PGD: variants seen among roughly 807,000 people sequenced by gnomAD.
PGD encodes the protein phosphogluconate dehydrogenase, also known as 6-phosphogluconate dehydrogenase, decarboxylating.
In PGD, 21 loss-of-function variants were observed where a neutral mutation model predicts 60.4. The observed-to-expected ratio is 0.35, with a 90% confidence interval of 0.25 to 0.50. PGD has a LOEUF of 0.50. Ranked by LOEUF, PGD falls within the 20% of genes least tolerant of loss-of-function variation. The pLI is 0.98. For missense variants in PGD, 477 were observed against 613.1 expected (o/e 0.78, Z 2.34); for synonymous variants, 230 against 235.9 (o/e 0.97, Z 0.23).
At chr1:10,410,441 CAA>C (rs1009430529) in intron 6 of PGD, among the ~76,000 whole-genome samples, 3 of 136,742 alleles carry the variant, frequency 2.2e-5, no homozygotes, top group Admixed American at 7.4e-5. Flanking sequence ...GACTCCGTTT[CAA>C]AAAAAAAAAA....
In PGD at chr1:10,419,811, C is replaced by T; in HGVS notation, c.*62C>T. 1.9e-6 allele frequency: 3 copies of T among 1,585,200 alleles called. No homozygotes were observed. The highest frequency in any genetic ancestry group is 1.7e-4 in the Middle Eastern group (1 of 5,966). On this transcript the variant is annotated 3_prime_UTR_variant, in exon 13 of 13. Transcript: ENST00000270776. ...CCAGGACATTCCATGTGCCTCATGG[C>T]ACTGCCACCTGGCCCTTTGCCCTAT...
chr1:10,401,865 A>T (rs1430260532), intron 3 of PGD, among the ~76,000 whole-genome samples: 1 of 151,408 alleles, frequency 6.6e-6, no homozygotes, highest in African/African-American at 2.4e-5. Context: ...AATACAAAAA[A>T]TTAGCCAGGC....
chr1:10,399,468 G>A (rs1328685170), intron 1 of PGD, 161 bp from the exon 2 acceptor site: 1 of 547,104 alleles, frequency 1.8e-6, no homozygotes, highest in Non-Finnish European at 3.0e-6. Flanking sequence ...CTGCCCGGCC[G>A]AGGCTCTGCA....
rs768652850 is a variant in PGD at position 10,419,721 on chromosome 1, C to G, written c.1424C>G (p.Thr475Ser). The G allele has an allele frequency of 6.2e-7, 1 of 1,614,208 alleles. No individual in the cohort carries two copies. The highest frequency in any genetic ancestry group is 8.5e-7 in the Non-Finnish European group (1 of 1,180,020). Residue 475 changes from threonine to serine, a missense_variant, in exon 13 of 13, where the codon ACC becomes AGC. Around this residue, in one of 3 missense-constraint regions of PGD, gnomAD observed 44 missense variants for 40.3 expected, o/e 1.09. Transcript: ENST00000270776. ...ACCAACTGGACAGGCCATGGTGGCA[C>G]CGTGTCATCCTCGTCATACAATGCC... ...IHTNWTGHGG[T>S]VSSSSYNA
chr1:10,399,567 C>T (rs1033567233), intron 1 of PGD, 62 bp from the exon 2 acceptor site: 31 of 1,444,542 alleles, frequency 2.1e-5, no homozygotes, highest in Admixed American at 1.2e-4. Context: ...GGACCGGACC[C>T]CTGGGTTGCA....
At chr1:10,400,745 G>T (rs185754692) in intron 3 of PGD, among the ~76,000 whole-genome samples, 173 bp downstream of exon 3, 1 of 152,008 alleles carries the variant, frequency 6.6e-6, no homozygotes, top group African/African-American at 2.4e-5. Flanking sequence ...CGCTTATGAA[G>T]TAACTTTGTC....
chr1:10,409,893 T>G (rs1639470480), intron 6 of PGD, among the ~76,000 whole-genome samples: 1 of 152,052 alleles, frequency 6.6e-6, no homozygotes, highest in Non-Finnish European at 1.5e-5. Flanking sequence ...TGACTTCAAG[T>G]AATCGGCCCA....
chr1:10,408,037 C>G (rs1639436362), intron 5 of PGD, 34 bp from the exon 6 acceptor site: 1 of 1,338,990 alleles, frequency 7.5e-7, no homozygotes, highest in Non-Finnish European at 1.1e-6. Flanking sequence ...CCCGTCTCTT[C>G]TCATTAACTG....
intron 3 of PGD, among the ~76,000 whole-genome samples, chr1:10,402,507 T>C (rs1282108262): frequency 2.6e-5 from 4 of 151,180 alleles, no homozygotes; most frequent in African/African-American, 9.7e-5. Flanking sequence ...GGCGACATGG[T>C]GAGACTCCAT....
At chr1:10,399,430 C>T (rs1045314466) in intron 1 of PGD, 199 bp from the exon 2 acceptor site, 16 of 462,708 alleles carry the variant, frequency 3.5e-5, no homozygotes, top group Non-Finnish European at 5.1e-5. Context: ...CAGCGGGAGC[C>T]GGGCGCGAGG....
intron 7 of PGD, among the ~76,000 whole-genome samples, chr1:10,412,370 A>C (rs1639514144): frequency 6.6e-6 from 1 of 152,178 alleles, no homozygotes; most frequent in African/African-American, 2.4e-5. Context: ...GACTCTAGCA[A>C]GGCATACAGT....
chr1:10,414,833 C>T (rs1337181308), intron 8 of PGD, among the ~76,000 whole-genome samples: 1 of 151,858 alleles, frequency 6.6e-6, no homozygotes, highest in African/African-American at 2.4e-5. Flanking sequence ...TGGCTCACGC[C>T]TGTAATCCCA....
Position 10,399,102 on chromosome 1 carries a change from T to A in PGD, c.-16T>A. The A allele has an allele frequency of 6.2e-7, 1 of 1,609,868 alleles. No homozygotes were observed. The highest frequency in any genetic ancestry group is 8.5e-7 in the Non-Finnish European group (1 of 1,179,710). ...TCCGCGCGTCGCCGCTCTTCGGTTCTGCTCTGTCCGCCGCCATGGCCCAGT... is the reference window on the plus strand; with the variant it reads ...TCCGCGCGTCGCCGCTCTTCGGTTCAGCTCTGTCCGCCGCCATGGCCCAGT... On this transcript the variant is annotated 5_prime_UTR_variant, in exon 1 of 13. Transcript: ENST00000270776.
chr1:10,400,652 T>G, intron 3 of PGD, 80 bp downstream of exon 3: 4 of 1,118,948 alleles, frequency 3.6e-6, no homozygotes, highest in Non-Finnish European at 5.0e-6. Context: ...TTCTTTTAAC[T>G]CTAGAGATTT....
chr1:10,413,869 C>T (rs1639547270), intron 8 of PGD, among the ~76,000 whole-genome samples: 1 of 151,502 alleles, frequency 6.6e-6, no homozygotes, highest in Admixed American at 6.6e-5. Context: ...GGCACCACTG[C>T]ACTCCAGCCT....
rs941292718 is a variant in PGD at position 10,417,070 on chromosome 1, T to A, written c.928T>A (p.Phe310Ile). 3 of 1,613,920 alleles carry A rather than the reference T, an allele frequency of 1.9e-6. No individual in the cohort carries two copies. Among genetic ancestry groups the A allele is most frequent in the Non-Finnish European group, 2.5e-6 (3 of 1,179,912 alleles). Reference protein sequence around the residue: ...ASKKLKGPQKFQFDGDKKSFL... With the variant: ...ASKKLKGPQKIQFDGDKKSFL... ...CAAAAAGCTGAAGGGTCCCCAGAAG[T>A]TCCAGTTTGATGGTGATAAGAAATC... The change falls in exon 9 of 13, where the codon TTC becomes ATC. Residue 310 changes from phenylalanine to isoleucine, a missense_variant. Coordinates refer to ENST00000270776, the MANE Select transcript of PGD (RefSeq NM_002631.4).
chr1:10,415,929 G>A (rs1489718674), intron 8 of PGD, among the ~76,000 whole-genome samples: 1 of 151,814 alleles, frequency 6.6e-6, no homozygotes, highest in Non-Finnish European at 1.5e-5. Context: ...CGGCTATACT[G>A]AAAACCGTAA....
chr1:10,404,245 C>G lies in PGD; in HGVS notation c.415C>G (p.Pro139Ala), dbSNP rs145171287. The change falls in exon 5 of 13, where the codon CCA becomes GCA. Residue 139 changes from proline to alanine, a missense_variant. Transcript: ENST00000270776. Reference sequence around the variant, plus strand: ...TGGAGAGGAAGGGGCCCGGTATGGCCCATCGCTCATGCCAGGAGGGAACAA... The same window carrying G: ...TGGAGAGGAAGGGGCCCGGTATGGCGCATCGCTCATGCCAGGAGGGAACAA... ...SGGEEGARYG[P>A]SLMPGGNKEA... is the part of the protein sequence containing the mutation. The G allele has an allele frequency of 4.6e-5, 74 of 1,613,296 alleles. No homozygotes were observed. The highest frequency in any genetic ancestry group is 5.8e-5 in the Non-Finnish European group (69 of 1,179,570).
At chr1:10,414,320 TAAAAC>T (rs1639557304) in intron 8 of PGD, among the ~76,000 whole-genome samples, 1 of 151,978 alleles carries the variant, frequency 6.6e-6, no homozygotes, top group South Asian at 2.1e-4. Context: ...GAAATAAACA[TAAAAC>T]GAGAGGGGAT....
Sources: allele counts gnomAD v4.1 joint callset (sites outside exome capture counted in the v4.1 genomes callset), GRCh38; gene constraint gnomAD v4.1.1; regional missense constraint gnomAD v4.1.1; transcripts MANE v1.5; gene names NCBI Gene and HGNC (gene_info 2026-07-23, HGNC 2026-07-21).